The following HS3ST5 variants were observed in gnomAD, a reference collection of about 807,000 sequenced individuals.
HS3ST5 encodes the protein heparan sulfate-glucosamine 3-sulfotransferase 5.
A neutral mutation model predicts 25.4 loss-of-function variants in HS3ST5; 10 were observed. The observed-to-expected ratio is 0.39, with a 90% CI of 0.24 to 0.67. The LOEUF is 0.67. Among genes scored for constraint, HS3ST5 ranks in the 30% least tolerant of loss-of-function variants. HS3ST5 has a pLI of 0.44. For synonymous variants in HS3ST5, 170 were observed against 162.4 expected, an observed-to-expected ratio of 1.05 and a Z score of -0.36; for missense variants, 324 against 420.7, an observed-to-expected ratio of 0.77 and a Z score of 2.01.
chr6:114,306,108 T>A (rs941512746), intron 1 of HS3ST5, among the ~76,000 whole-genome samples: 3 of 152,042 alleles, frequency 2.0e-5, no homozygotes, highest in Admixed American at 2.0e-4. Flanking sequence ...TGTAATTTTT[T>A]AAATAATTAT....
At chr6:114,157,650 T>C (rs1214033507) in intron 3 of HS3ST5, among the ~76,000 whole-genome samples, 2 of 152,210 alleles carry the variant, frequency 1.3e-5, no homozygotes, top group Non-Finnish European at 2.9e-5. Context: ...CATTTCACAA[T>C]GTATACATAT....
chr6:114,207,571 C>A (rs1020835690), intron 2 of HS3ST5, among the ~76,000 whole-genome samples: 1 of 152,056 alleles, frequency 6.6e-6, no homozygotes, highest in East Asian at 1.9e-4. Flanking sequence ...GCATTCTCAG[C>A]GAGAAGTCCA....
At chr6:114,120,909 TC>T (rs1290418079) in intron 3 of HS3ST5, among the ~76,000 whole-genome samples, 2 of 152,194 alleles carry the variant, frequency 1.3e-5, no homozygotes, top group African/African-American at 4.8e-5. Context: ...TTTTCAGAAG[TC>T]CCAGTAATGT....
chr6:114,301,366 C>T (rs1292576825), intron 1 of HS3ST5, among the ~76,000 whole-genome samples: 2 of 152,172 alleles, frequency 1.3e-5, no homozygotes, highest in Non-Finnish European at 2.9e-5. Flanking sequence ...AAGTGTTGCA[C>T]TGGAGAAAAG....
chr6:114,109,076 C>A (rs989501277), intron 3 of HS3ST5, among the ~76,000 whole-genome samples: 6 of 151,958 alleles, frequency 3.9e-5, no homozygotes, highest in South Asian at 2.1e-4. Flanking sequence ...GCCAGGAGGA[C>A]TGCTTAAGCC....
intron 1 of HS3ST5, among the ~76,000 whole-genome samples, chr6:114,248,798 TA>T (rs1362956343): frequency 6.6e-6 from 1 of 152,212 alleles, no homozygotes; most frequent in Non-Finnish European, 1.5e-5. Context: ...ATAATTGAAA[TA>T]AAAGTTAACA....
At chr6:114,086,983 T>G (rs931333641) in intron 3 of HS3ST5, among the ~76,000 whole-genome samples, 2 of 152,154 alleles carry the variant, frequency 1.3e-5, no homozygotes, top group Non-Finnish European at 2.9e-5. Flanking sequence ...TAAACTATTG[T>G]CTTCACATAA....
At chr6:114,208,461 A>G (rs1268686268) in intron 2 of HS3ST5, among the ~76,000 whole-genome samples, 5 of 152,182 alleles carry the variant, frequency 3.3e-5, no homozygotes, top group Non-Finnish European at 7.4e-5. Flanking sequence ...TGCCAATGGT[A>G]TCATTTAATC....
intron 2 of HS3ST5, among the ~76,000 whole-genome samples, chr6:114,191,389 T>A (rs1023473591): frequency 6.3e-4 from 96 of 152,222 alleles, no homozygotes; most frequent in African/African-American, 2.2e-3. Flanking sequence ...AAAAAACACA[T>A]GAAAATAGGC....
chr6:114,121,267 C>G (rs1003253979), intron 3 of HS3ST5, among the ~76,000 whole-genome samples: 1 of 152,142 alleles, frequency 6.6e-6, no homozygotes, highest in Non-Finnish European at 1.5e-5. Flanking sequence ...GAAATCTCCA[C>G]GTGGGAGGTT....
intron 1 of HS3ST5, among the ~76,000 whole-genome samples, chr6:114,279,086 C>CA (rs1345311653): frequency 2.0e-4 from 31 of 151,906 alleles, no homozygotes; most frequent in African/African-American, 7.0e-4. Flanking sequence ...GGCAATTAGA[C>CA]AAAGAAATCT....
chr6:114,205,816 C>T lies in HS3ST5; in HGVS notation c.-145+22769G>A, dbSNP rs138429936. 5.8e-4 allele frequency among the ~76,000 whole-genome samples: 89 copies of T among 152,276 alleles called. 1 individual carries two copies. The East Asian group carries it at 0.017, about 29-fold the overall frequency. ...GAACAGGCAACTTAGATCCCTCACA[C>T]GTGCAGTTCACAATAGTGTTCATGC... is the stretch of plus-strand genomic sequence containing the variant. On this transcript the variant is annotated intron_variant, in intron 2 of 4. Transcript: ENST00000312719.
At chr6:114,136,110 C>T (rs1010651706) in intron 3 of HS3ST5, among the ~76,000 whole-genome samples, 8 of 152,224 alleles carry the variant, frequency 5.3e-5, no homozygotes, top group African/African-American at 1.9e-4. Flanking sequence ...GGGTAGCTGT[C>T]TAACTCATTA....
chr6:114,188,784 G>T (rs560396137), intron 2 of HS3ST5, among the ~76,000 whole-genome samples: 1 of 151,956 alleles, frequency 6.6e-6, no homozygotes. Flanking sequence ...AGTATAATTG[G>T]GTCAGTAGTG....
intron 1 of HS3ST5, among the ~76,000 whole-genome samples, chr6:114,291,047 C>T (rs1297656305): frequency 1.3e-5 from 2 of 152,066 alleles, no homozygotes; most frequent in Admixed American, 6.5e-5. Flanking sequence ...GGTACTCTTT[C>T]TGTCCCCTGT....
At chr6:114,085,508 C>A (rs1774746530) in intron 3 of HS3ST5, among the ~76,000 whole-genome samples, 1 of 152,186 alleles carries the variant, frequency 6.6e-6, no homozygotes, top group Non-Finnish European at 1.5e-5. Flanking sequence ...TTCATTCTTA[C>A]ATTGGCAGTA....
At chr6:114,250,775 G>A (rs746663935) in intron 1 of HS3ST5, among the ~76,000 whole-genome samples, 30 of 152,060 alleles carry the variant, frequency 2.0e-4, no homozygotes, top group Non-Finnish European at 3.1e-4. Flanking sequence ...TGAGATTATT[G>A]GAAGGACAGT....
chr6:114,127,853 T>G (rs34052237), intron 3 of HS3ST5, among the ~76,000 whole-genome samples: 18,253 of 147,586 alleles, frequency 0.12, 1,233 homozygotes, highest in East Asian at 0.2. Flanking sequence ...TATATATATA[T>G]ATAGAGAGAG....
At chr6:114,290,548 TTTTCTTCAAG>T (rs1240388048) in intron 1 of HS3ST5, among the ~76,000 whole-genome samples, 7 of 152,112 alleles carry the variant, frequency 4.6e-5, no homozygotes, top group Non-Finnish European at 8.8e-5. Context: ...AGGGGTTTTA[TTTTCTTCAAG>T]GTTGTTCAAT....
Sources: gnomAD v4.1 joint callset for allele counts (sites outside exome capture counted in the v4.1 genomes callset) on GRCh38, gnomAD v4.1.1 for gene constraint, MANE v1.5 for transcripts, NCBI Gene and HGNC (gene_info 2026-07-23, HGNC 2026-07-21) for gene names.